The following ARF5 variants were observed in gnomAD, a reference collection of about 807,000 sequenced individuals.
ARF5 encodes ARF GTPase 5.
In ARF5, 10 loss-of-function variants were observed where a neutral mutation model predicts 24.8. That is an observed-to-expected ratio of 0.40 (90% confidence interval 0.25 to 0.68). The LOEUF is 0.68. Among genes scored for constraint, ARF5 ranks in the 30% least tolerant of loss-of-function variants. ARF5 has a pLI of 0.36. For synonymous variants in ARF5, 102 were observed against 95.1 expected (o/e 1.07, Z -0.42); for missense variants, 135 against 239.2 (o/e 0.56, Z 2.87).
At chr7:127,588,941 C>G in intron 1 of ARF5, 142 bp from the exon 2 acceptor site, 4 of 973,654 alleles carry the variant, frequency 4.1e-6, no homozygotes. Context: ...CTCCAGGCCT[C>G]AAAGGTAGAT....
intron 4 of ARF5, among the ~76,000 whole-genome samples, 198 bp downstream of exon 4, chr7:127,590,335 CTTTTT>C (rs1053092786): frequency 6.9e-6 from 1 of 144,720 alleles, no homozygotes; most frequent in Non-Finnish European, 1.5e-5. Flanking sequence ...ATTGTCTTGT[CTTTTT>C]TTTTTTTTGA....
intron 4 of ARF5, 85 bp downstream of exon 4, chr7:127,590,222 A>C (rs1419428): frequency 0.44 from 493,141 of 1,117,214 alleles, 115,014 homozygotes; most frequent in East Asian, 0.84. Context: ...GGGAGCCCCC[A>C]ACAGGCATTG....
At position 127,588,417 on chromosome 7, in the gene ARF5, C is replaced by T; in HGVS notation, c.-82C>T. On this transcript the variant is annotated 5_prime_UTR_variant, in exon 1 of 6. Transcript: ENST00000000233. Reference sequence around the variant, plus strand: ...GCGGCGGCGGAGCCTCCTCCTGCTGCTGCTGCGCCCCATCCCCCCGCGGCC... The same window carrying T: ...GCGGCGGCGGAGCCTCCTCCTGCTGTTGCTGCGCCCCATCCCCCCGCGGCC... The T allele has an allele frequency of 4.4e-6, 4 of 907,504 alleles. No homozygotes were observed. Among genetic ancestry groups the T allele is most frequent in the Non-Finnish European group, 4.4e-6 (3 of 682,534 alleles). The allele number at this position is 907,504 out of a possible 1,614,324, so 56.2% of individuals were successfully genotyped here. A position where few individuals can be genotyped will look rare whatever the true frequency, so the allele number is the denominator to read the frequency against.
intron 2 of ARF5, 128 bp from the exon 3 acceptor site, chr7:127,589,357 C>T: frequency 9.3e-7 from 1 of 1,074,508 alleles, no homozygotes; most frequent in South Asian, 1.3e-5. Flanking sequence ...ACCGCCAGTT[C>T]TGGGGTTCTG....
intron 3 of ARF5, 188 bp from the exon 4 acceptor site, chr7:127,589,878 G>A (rs1489511845): frequency 3.2e-6 from 2 of 623,204 alleles, no homozygotes; most frequent in Admixed American, 2.9e-5. Flanking sequence ...CTTCCTCTTT[G>A]CAGTGGGGTC....
At chr7:127,590,831 A>G (rs1794276009) in intron 4 of ARF5, 132 bp from the exon 5 acceptor site, 4 of 1,224,038 alleles carry the variant, frequency 3.3e-6, no homozygotes, top group Non-Finnish European at 4.5e-6. Context: ...ATTTACAACT[A>G]TGTCTTGTCT....
chr7:127,588,463 C>T lies in ARF5; in HGVS notation c.-36C>T, dbSNP rs1021407892. On this transcript the variant is annotated 5_prime_UTR_variant, in exon 1 of 6. Coordinates refer to ENST00000000233, the MANE Select transcript of ARF5 (RefSeq NM_001662.4). The stretch of plus-strand genomic sequence containing the variant: ...CGGCCGGCCAGTTCCAGCCCGCACC[C>T]CGCGTCGGTGCCCGCGCCCCTCCCC... The T allele has an allele frequency of 5.4e-5, 76 of 1,399,104 alleles. No individual in the cohort carries two copies. The highest frequency in any genetic ancestry group is 7.1e-5 in the Non-Finnish European group (75 of 1,058,378). The allele number at this position is 1,399,104 out of a possible 1,614,324, so 86.7% of individuals were successfully genotyped here.
In ARF5 at chr7:127,588,555, G is replaced by C. The variant is rs975307887; in HGVS notation, c.57G>C (p.Arg19=). The C allele has an allele frequency of 6.9e-7, 1 of 1,457,804 alleles. No homozygotes were observed. Among genetic ancestry groups the C allele is most frequent in the Non-Finnish European group, 9.2e-7 (1 of 1,091,474 alleles). The allele number at this position is 1,457,804 out of a possible 1,614,324, so 90.3% of individuals were successfully genotyped here. ...GGATCTTCGGGAAGAAGCAGATGCG[G>C]ATTCTCATGGGTGAGGCAGATCGAG... ...FSRIFGKKQM[R]ILMVGLDAAG... The change falls in exon 1 of 6, where the codon CGG becomes CGC. Residue 19 remains arginine (R), a synonymous_variant. Transcript: ENST00000000233.
chr7:127,590,885 C>G, intron 4 of ARF5, 78 bp from the exon 5 acceptor site: 1 of 1,510,216 alleles, frequency 6.6e-7, no homozygotes, highest in Middle Eastern at 1.8e-4. Context: ...AATCAAGATG[C>G]TAGGAGGTAG....
chr7:127,590,365 T>A (rs1794265631), intron 4 of ARF5, among the ~76,000 whole-genome samples: 1 of 151,948 alleles, frequency 6.6e-6, no homozygotes, highest in Non-Finnish European at 1.5e-5. Flanking sequence ...GGAGTTTTGC[T>A]GTTGTTGCCC....
rs551354245 is a variant in ARF5 at position 127,590,742 on chromosome 7, T to C, written c.331-221T>C. Among the ~76,000 whole-genome samples the C allele has an allele frequency of 2.0e-5, 3 of 152,390 alleles. No individual in the cohort carries two copies. In the South Asian group the frequency reaches 6.2e-4, roughly 32 times the overall value. ...CTGCCTTTTCCATTTGGAAATGTTG[T>C]CATTTTGCCTAGGCAAGTACTCAAA... On this transcript the variant is annotated intron_variant, in intron 4 of 5. Coordinates refer to ENST00000000233, the MANE Select transcript of ARF5 (RefSeq NM_001662.4).
intron 1 of ARF5, 119 bp from the exon 2 acceptor site, chr7:127,588,964 C>T (rs1189391927): frequency 2.5e-6 from 3 of 1,211,766 alleles, no homozygotes; most frequent in South Asian, 1.3e-5. Flanking sequence ...CGACGCGCAC[C>T]TGGAGGCGCT....
At chr7:127,588,640 A>G (rs907210216) in intron 1 of ARF5, 75 bp downstream of exon 1, 4 of 1,259,944 alleles carry the variant, frequency 3.2e-6, no homozygotes, top group Non-Finnish European at 4.1e-6. Flanking sequence ...GCGTCCCTCC[A>G]GCCCCGCTCA....
chr7:127,589,630 GA>G, intron 3 of ARF5, 36 bp downstream of exon 3: 4 of 1,523,170 alleles, frequency 2.6e-6, no homozygotes, highest in Non-Finnish European at 3.6e-6. Context: ...AACCCCACGG[GA>G]AAAGGTGTTA....
At chr7:127,589,638 G>C (rs772209207) in intron 3 of ARF5, 44 bp downstream of exon 3, 3 of 1,483,966 alleles carry the variant, frequency 2.0e-6, no homozygotes, top group Non-Finnish European at 2.8e-6. Flanking sequence ...GGGAAAAGGT[G>C]TTAGGGCTGG....
In ARF5 at chr7:127,589,124, C is replaced by T. The variant is rs1562953730; in HGVS notation, c.109C>T (p.Leu37=). 6.2e-7 allele frequency: 1 copy of T among 1,614,232 alleles called. No homozygotes were observed. The highest frequency in any genetic ancestry group is 8.5e-7 in the Non-Finnish European group (1 of 1,180,036). ...TGGCAAGACCACAATCCTGTACAAA[C>T]TGAAGTTGGGGGAGATTGTCACCAC... is the stretch of plus-strand genomic sequence containing the variant. ...AAGKTTILYK[L]KLGEIVTTIP... is the part of the protein sequence containing the mutation. The change falls in exon 2 of 6, where the codon CTG becomes TTG. Residue 37 remains leucine, a synonymous_variant. Coordinates refer to ENST00000000233, the MANE Select transcript of ARF5 (RefSeq NM_001662.4).
intron 1 of ARF5, 103 bp downstream of exon 1, chr7:127,588,668 G>T: frequency 8.9e-7 from 1 of 1,128,794 alleles, no homozygotes; most frequent in South Asian, 2.8e-5. Context: ...CTCTGGCCCC[G>T]AGTCACCCAC....
chr7:127,591,349 G>A lies in ARF5; in HGVS notation c.*50G>A, dbSNP rs368139645. ...CCCGGAAGCTCCTGCGTGCATCCCC[G>A]GGATGACCAGACTCCCGGACTCCTC... On this transcript the variant is annotated 3_prime_UTR_variant, in exon 6 of 6. Coordinates refer to ENST00000000233, the MANE Select transcript of ARF5 (RefSeq NM_001662.4). 280 of 1,482,666 alleles carry A rather than the reference G, an allele frequency of 1.9e-4. No homozygotes were observed. The highest frequency in any genetic ancestry group is 2.4e-4 in the Non-Finnish European group (271 of 1,107,714). 91.8% of individuals were successfully genotyped at this position (1,482,666 alleles called of 1,614,324 possible). A position where few individuals can be genotyped will look rare whatever the true frequency, so the allele number is the denominator to read the frequency against.
intron 1 of ARF5, 96 bp downstream of exon 1, chr7:127,588,661 T>C: frequency 8.7e-7 from 1 of 1,148,450 alleles, no homozygotes; most frequent in Non-Finnish European, 1.1e-6. Flanking sequence ...CCTGGGTCTC[T>C]GGCCCCGAGT....
Sources: gnomAD v4.1 joint callset for allele counts (sites outside exome capture counted in the v4.1 genomes callset) on GRCh38, gnomAD v4.1.1 for gene constraint, MANE v1.5 for transcripts, NCBI Gene and HGNC (gene_info 2026-07-23, HGNC 2026-07-21) for gene names.